Variants in AQR observed in about 807,000 individuals in gnomAD.
The protein encoded by AQR is aquarius intron-binding spliceosomal factor.
A neutral mutation model predicts 180.5 loss-of-function variants in AQR; 61 were observed. That is an observed-to-expected ratio of 0.34 (90% CI 0.28 to 0.42). AQR has a LOEUF of 0.42. Among genes scored for constraint, AQR ranks in the 10% least tolerant of loss-of-function variants. The pLI is 1.00. For missense variants in AQR, 1,281 were observed against 1,798.3 expected (o/e 0.71, Z 5.20); for synonymous variants, 551 against 588.8 (o/e 0.94, Z 0.93).
intron 5 of AQR, among the ~76,000 whole-genome samples, chr15:34,945,306 CCTCA>C (rs776980551): frequency 2.6e-5 from 4 of 152,060 alleles, no homozygotes; most frequent in Non-Finnish European, 4.4e-5. Flanking sequence ...CCAAATTATT[CCTCA>C]CTCTCTATTA....
chr15:34,928,441 G>C (rs992306165), intron 12 of AQR, among the ~76,000 whole-genome samples: 1 of 152,118 alleles, frequency 6.6e-6, no homozygotes, highest in Non-Finnish European at 1.5e-5. Context: ...GTGAGAACAT[G>C]CGGTGTTTGG....
At chr15:34,859,963 G>T (rs1892646078) in intron 34 of AQR, 79 bp downstream of exon 34, 1 of 595,156 alleles carries the variant, frequency 1.7e-6, no homozygotes, top group Non-Finnish European at 2.6e-6. Flanking sequence ...AAGGAATTAG[G>T]TACTTTAAAG....
At position 34,885,999 on chromosome 15, in the gene AQR, T is replaced by C. The variant is rs1441064436; in HGVS notation, c.2817+527A>G. Among the ~76,000 whole-genome samples the C allele has an allele frequency of 2.6e-5, 4 of 152,168 alleles. No individual in the cohort carries two copies. The East Asian group carries it at 5.8e-4, about 22-fold the overall frequency. ...ATTCACTTTATTTGGCTATTTCTCA[T>C]TGGTTTTCACACTTCCAAAATTTAC... On this transcript the variant is annotated intron_variant, in intron 25 of 34. Transcript: ENST00000156471.
At chr15:34,876,513 G>A (rs2140464122) in intron 27 of AQR, among the ~76,000 whole-genome samples, 1 of 152,112 alleles carries the variant, frequency 6.6e-6, no homozygotes, top group East Asian at 1.9e-4. Context: ...CAAAACTCTT[G>A]AGTCTATTCA....
At chr15:34,904,646 C>A in intron 18 of AQR, 141 bp from the exon 19 acceptor site, 1 of 678,110 alleles carries the variant, frequency 1.5e-6, no homozygotes, top group African/African-American at 1.9e-5. Context: ...AGAATGCCCT[C>A]CACTCACCCA....
At chr15:34,863,882 T>G (rs1001523129) in intron 32 of AQR, among the ~76,000 whole-genome samples, 1 of 152,218 alleles carries the variant, frequency 6.6e-6, no homozygotes, top group Admixed American at 6.5e-5. Flanking sequence ...TGGTTTCAAA[T>G]GCAGAGGACA....
chr15:34,872,161 T>C (rs941881428), intron 30 of AQR, among the ~76,000 whole-genome samples: 2 of 152,172 alleles, frequency 1.3e-5, no homozygotes, highest in East Asian at 1.9e-4. Context: ...TAAAACAACA[T>C]GAACTGTATT....
At chr15:34,875,840 T>C (rs1402983838) in intron 28 of AQR, 95 bp downstream of exon 28, 5 of 896,550 alleles carry the variant, frequency 5.6e-6, no homozygotes, top group South Asian at 1.6e-5. Context: ...TACATAACTA[T>C]GGCAATCAGC....
intron 17 of AQR, among the ~76,000 whole-genome samples, chr15:34,907,529 A>G (rs1234122493): frequency 6.6e-6 from 1 of 152,234 alleles, no homozygotes; most frequent in African/African-American, 2.4e-5. Context: ...CCTTGTTAAC[A>G]ACAAACACAA....
intron 15 of AQR, among the ~76,000 whole-genome samples, chr15:34,917,381 T>A (rs576512100): frequency 6.6e-6 from 1 of 152,340 alleles, no homozygotes; most frequent in East Asian, 1.9e-4. Flanking sequence ...ACCTTCAAAG[T>A]ATATCTGAAT....
chr15:34,917,820 T>TA (rs35092979), intron 15 of AQR, among the ~76,000 whole-genome samples: 84,713 of 125,634 alleles, frequency 0.67, 29,260 homozygotes, highest in Middle Eastern at 0.78. Flanking sequence ...TTGTCTCTAC[T>TA]AAAAAAAAAA....
chr15:34,858,451 G>A (rs1034025716), intron 34 of AQR, among the ~76,000 whole-genome samples: 3 of 151,666 alleles, frequency 2.0e-5, no homozygotes, highest in African/African-American at 4.8e-5. Flanking sequence ...CTAAATAAAC[G>A]AGAGATCTTA....
At chr15:34,906,750 T>C in intron 17 of AQR, 38 bp from the exon 18 acceptor site, 1 of 1,584,692 alleles carries the variant, frequency 6.3e-7, no homozygotes. Context: ...TATTAGAATT[T>C]CATTGTTTTC....
chr15:34,950,208 G>GCCT (rs1894204667), intron 4 of AQR, among the ~76,000 whole-genome samples: 1 of 146,532 alleles, frequency 6.8e-6, no homozygotes, highest in South Asian at 2.2e-4. Context: ...TCCTGCCTCA[G>GCCT]CCTCCTGAGT....
intron 27 of AQR, 29 bp downstream of exon 27, chr15:34,882,465 TAAAAAAAA>T: frequency 8.3e-7 from 1 of 1,199,554 alleles, no homozygotes; most frequent in Non-Finnish European, 1.1e-6. Flanking sequence ...CTGATAATCT[TAAAAAAAA>T]AAAAAAAAAA....
chr15:34,949,002 GTTT>G, intron 4 of AQR, among the ~76,000 whole-genome samples: 1 of 150,008 alleles, frequency 6.7e-6, no homozygotes, highest in South Asian at 2.1e-4. Flanking sequence ...CTTTTTTTTT[GTTT>G]TTTTGAGACG....
intron 13 of AQR, among the ~76,000 whole-genome samples, chr15:34,923,831 G>GC (rs1298495325): frequency 6.6e-6 from 1 of 152,028 alleles, no homozygotes; most frequent in Non-Finnish European, 1.5e-5. Context: ...TAGCTTTACT[G>GC]CAAGTTTTGA....
At chr15:34,891,416 T>G (rs778595711) in intron 23 of AQR, among the ~76,000 whole-genome samples, 18 of 152,198 alleles carry the variant, frequency 1.2e-4, no homozygotes, top group Non-Finnish European at 2.5e-4. Flanking sequence ...GAAGAACTAC[T>G]TGAATTATAC....
chr15:34,885,655 A>C (rs1380409488), intron 25 of AQR, among the ~76,000 whole-genome samples: 1 of 152,132 alleles, frequency 6.6e-6, no homozygotes, highest in Non-Finnish European at 1.5e-5. Context: ...AAGCCAAGTA[A>C]TTTTGTGTCA....
Sources: gnomAD v4.1 joint callset for allele counts (sites outside exome capture counted in the v4.1 genomes callset) on GRCh38, gnomAD v4.1.1 for gene constraint, MANE v1.5 for transcripts, NCBI Gene and HGNC (gene_info 2026-07-23, HGNC 2026-07-21) for gene names.